ANKRD45: variants seen among roughly 807,000 people sequenced by gnomAD.
ANKRD45 encodes ankyrin repeat domain 45.
In ANKRD45, 21 loss-of-function variants were observed where a neutral mutation model predicts 28.1. The observed-to-expected ratio is 0.75, with a 90% CI of 0.53 to 1.08. The LOEUF (loss-of-function observed/expected upper bound fraction) is 1.08. ANKRD45 is among the 50% of genes least tolerant of loss of function. ANKRD45 has a pLI of 0.00. For synonymous variants in ANKRD45, 86 were observed against 103.9 expected, an observed-to-expected ratio of 0.83 and a Z score of 1.05; for missense variants, 261 against 308.7, an observed-to-expected ratio of 0.85 and a Z score of 1.16.
At chr1:173,650,875 T>C (rs1669177108) in intron 2 of ANKRD45, among the ~76,000 whole-genome samples, 1 of 152,242 alleles carries the variant, frequency 6.6e-6, no homozygotes, top group South Asian at 2.1e-4. Flanking sequence ...CATGTGTCTT[T>C]TGGCTGCAGA....
chr1:173,682,615 C>T, the ANKRD45 span, among the ~76,000 whole-genome samples: 1 of 149,604 alleles, frequency 6.7e-6, no homozygotes, highest in African/African-American at 2.5e-5. Flanking sequence ...GAAAAAAAAG[C>T]TTTTGCTCAA....
rs563364548 is a variant in ANKRD45 at position 173,656,404 on chromosome 1, C to T, written c.328+2687G>A. On this transcript the variant is annotated intron_variant, in intron 2 of 5. Transcript: ENST00000333279. ...TATGTTCATATTCTTCCTAAACTCT[C>T]TTAGCACTAATAGTAGATTCCCTTG... Among the ~76,000 whole-genome samples the T allele has an allele frequency of 3.3e-5, 5 of 152,322 alleles. No individual in the cohort carries two copies. In the East Asian group the frequency reaches 9.6e-4, roughly 29 times the overall value.
the ANKRD45 span, among the ~76,000 whole-genome samples, chr1:173,697,066 A>G: frequency 2.0e-5 from 3 of 152,342 alleles, no homozygotes. Flanking sequence ...AAAGGGTTTC[A>G]GCAATTGAAG....
the ANKRD45 span, among the ~76,000 whole-genome samples, chr1:173,690,460 A>G: frequency 6.6e-6 from 1 of 152,072 alleles, no homozygotes; most frequent in African/African-American, 2.4e-5. Flanking sequence ...GTTCTTCCCT[A>G]TTTGTTTTTA....
intron 5 of ANKRD45, among the ~76,000 whole-genome samples, chr1:173,613,663 G>C (rs551128176): frequency 1.4e-5 from 2 of 143,696 alleles, no homozygotes; most frequent in Non-Finnish European, 3.0e-5. Flanking sequence ...GTCAGCCCCC[G>C]CCTGGCCGCC....
chr1:173,705,496 C>G, the ANKRD45 span, among the ~76,000 whole-genome samples: 1 of 146,132 alleles, frequency 6.8e-6, no homozygotes, highest in Non-Finnish European at 1.5e-5. Context: ...AACTCTGTCT[C>G]TATAGAAAAA....
intron 2 of ANKRD45, among the ~76,000 whole-genome samples, chr1:173,648,281 T>C (rs1669026544): frequency 6.6e-6 from 1 of 152,076 alleles, no homozygotes; most frequent in Non-Finnish European, 1.5e-5. Context: ...CTCAGTATAT[T>C]GCCCAGGCTC....
the ANKRD45 span, among the ~76,000 whole-genome samples, chr1:173,690,616 G>A: frequency 1.3e-5 from 2 of 152,278 alleles, no homozygotes; most frequent in South Asian, 2.1e-4. Context: ...AGAAGATTGA[G>A]GTATTGAGGA....
chr1:173,613,832 G>A (rs1667340645), intron 5 of ANKRD45, among the ~76,000 whole-genome samples: 1 of 152,242 alleles, frequency 6.6e-6, no homozygotes, highest in South Asian at 2.1e-4. Flanking sequence ...TAGAAAAGGG[G>A]GAAAGGTGGG....
At chr1:173,649,692 T>C (rs1669095801) in intron 2 of ANKRD45, among the ~76,000 whole-genome samples, 1 of 152,194 alleles carries the variant, frequency 6.6e-6, no homozygotes, top group Non-Finnish European at 1.5e-5. Flanking sequence ...TTGGGTTCTT[T>C]ATATCTCAAG....
chr1:173,693,477 A>C, the ANKRD45 span, among the ~76,000 whole-genome samples: 6 of 152,200 alleles, frequency 3.9e-5, no homozygotes, highest in Non-Finnish European at 8.8e-5. Context: ...CAAATGCATA[A>C]CCACTTGCAT....
At chr1:173,714,234 C>T in the ANKRD45 span, among the ~76,000 whole-genome samples, 7 of 152,044 alleles carry the variant, frequency 4.6e-5, no homozygotes, top group Non-Finnish European at 8.8e-5. Flanking sequence ...TATTAATATA[C>T]GGTAAAAATC....
At chr1:173,655,463 GCTGCCTGATCCTTCCTCT>G (rs1206605814) in intron 2 of ANKRD45, among the ~76,000 whole-genome samples, 1 of 152,182 alleles carries the variant, frequency 6.6e-6, no homozygotes, top group African/African-American at 2.4e-5. Context: ...AGCAAATATT[GCTGCCTGATCCTTCCTCT>G]GGAAGCTTCG....
chr1:173,699,227 G>C, the ANKRD45 span, among the ~76,000 whole-genome samples: 6 of 152,116 alleles, frequency 3.9e-5, no homozygotes, highest in African/African-American at 1.4e-4. Flanking sequence ...ATTCACAGCT[G>C]AATTCTACCA....
chr1:173,637,219 C>A, intron 3 of ANKRD45: 2 of 533,600 alleles, frequency 3.7e-6, no homozygotes, highest in Non-Finnish European at 6.6e-6. Flanking sequence ...AGAACCCGGA[C>A]TTACTAAAGT....
At chr1:173,632,592 G>A (rs778855382) in intron 3 of ANKRD45, among the ~76,000 whole-genome samples, 19 of 149,608 alleles carry the variant, frequency 1.3e-4, no homozygotes, top group East Asian at 5.8e-4. Context: ...GAACACTGAT[G>A]CAAAAATCCT....
At chr1:173,651,748 C>G (rs1344437807) in intron 2 of ANKRD45, among the ~76,000 whole-genome samples, 2 of 152,038 alleles carry the variant, frequency 1.3e-5, no homozygotes, top group Admixed American at 1.3e-4. Flanking sequence ...TCTTCCATTT[C>G]TTTGTGTCCT....
chr1:173,692,428 T>A, the ANKRD45 span, among the ~76,000 whole-genome samples: 5 of 152,100 alleles, frequency 3.3e-5, no homozygotes, highest in South Asian at 1.0e-3. Context: ...TTCTGATTAA[T>A]CTCTCCAAAG....
the ANKRD45 span, among the ~76,000 whole-genome samples, chr1:173,712,749 A>T: frequency 6.6e-6 from 1 of 152,220 alleles, no homozygotes; most frequent in Non-Finnish European, 1.5e-5. Context: ...AAAATGTTTT[A>T]AAAAATCTAT....
Sources: gnomAD v4.1 joint callset for allele counts (sites outside exome capture counted in the v4.1 genomes callset) on GRCh38, gnomAD v4.1.1 for gene constraint, MANE v1.5 for transcripts, NCBI Gene and HGNC (gene_info 2026-07-23, HGNC 2026-07-21) for gene names.